Variants in CACNA2D2 observed in about 807,000 individuals in gnomAD.
CACNA2D2 encodes voltage-dependent calcium channel subunit alpha-2/delta-2.
A neutral mutation model predicts 166.4 loss-of-function variants in CACNA2D2; 48 were observed. The observed-to-expected ratio is 0.29, with a 90% confidence interval of 0.23 to 0.37. The LOEUF (loss-of-function observed/expected upper bound fraction) is 0.37, where lower values mean the gene tolerates loss of function less well. Ranked by LOEUF, CACNA2D2 falls within the 10% of genes least tolerant of loss-of-function variation. The pLI, the probability that CACNA2D2 is intolerant of heterozygous loss-of-function variation, is 1.00. For synonymous variants in CACNA2D2, 561 were observed against 573.7 expected, an observed-to-expected ratio of 0.98 and a Z score of 0.32; for missense variants, 1,122 against 1,433.0, an observed-to-expected ratio of 0.78 and a Z score of 3.50.
At chr3:50,450,559 A>C (rs1183600888) in intron 2 of CACNA2D2, among the ~76,000 whole-genome samples, 1 of 152,210 alleles carries the variant, frequency 6.6e-6, no homozygotes, top group African/African-American at 2.4e-5. Flanking sequence ...ACTTGGCATC[A>C]GAGAAGAGAA....
In CACNA2D2 at chr3:50,476,149, C is replaced by T. The variant is rs543807415; in HGVS notation, c.257G>A (p.Arg86Gln). Residue 86 changes from arginine (R) to glutamine (Q), a missense_variant, in exon 2 of 38, where the codon CGG becomes CAG. Physicochemically the swap from Arg to Gln is conservative, Grantham distance 43 (BLOSUM62 1). This residue lies in a region of CACNA2D2 where 840 missense variants were observed against 1,166.8 expected (regional missense o/e 0.72). Coordinates refer to ENST00000424201, the MANE Select transcript of CACNA2D2 (RefSeq NM_006030.4). ...RLEQEVDGVM[R>Q]IFGGVQQLRE... ...GAGCTGCTGGACGCCTCCAAAAATC[C>T]GCATCACGCCGTCGACCTCCTGCTC... 7.5e-6 allele frequency: 12 copies of T among 1,602,422 alleles called. No individual in the cohort carries two copies. Among genetic ancestry groups the T allele is most frequent in the Middle Eastern group, 1.7e-4 (1 of 6,052 alleles).
In CACNA2D2 at chr3:50,386,267, T is replaced by A. The variant is rs146356061; in HGVS notation, c.510+1301A>T. 1.1e-4 allele frequency among the ~76,000 whole-genome samples: 17 copies of A among 152,280 alleles called. No homozygotes were observed. In the East Asian group the frequency reaches 3.3e-3, roughly 30 times the overall value. ...TTGGGGCCCTGGATACAGTTGAGGC[T>A]GCTGGAGGTAGGTTCAGAGCATCCT... On this transcript the variant is annotated intron_variant, in intron 5 of 37. Transcript: ENST00000424201.
intron 2 of CACNA2D2, among the ~76,000 whole-genome samples, chr3:50,468,105 G>T (rs965053663): frequency 2.6e-5 from 4 of 152,230 alleles, no homozygotes; most frequent in Non-Finnish European, 5.9e-5. Context: ...TGCAGATTGG[G>T]TCAACTGTCC....
chr3:50,380,551 G>A lies in CACNA2D2; in HGVS notation c.842+197C>T, dbSNP rs1705246161. Among the ~76,000 whole-genome samples the A allele has an allele frequency of 6.6e-6, 1 of 152,192 alleles. No homozygotes were observed. The highest frequency in any genetic ancestry group is 1.5e-5 in the Non-Finnish European group (1 of 68,034). ...TGAGTGGGTGGGGGTGCTGGGCAGT[G>A]GACGGGGGGCATGGCAGCTGGGAGG... On this transcript the variant is annotated intron_variant, in intron 8 of 37. Transcript: ENST00000424201. The surrounding 1 kb of genome is among the most constrained non-coding windows in gnomAD (Gnocchi z 4.9).
chr3:50,471,038 G>A (rs571143897), intron 2 of CACNA2D2, among the ~76,000 whole-genome samples: 1 of 152,246 alleles, frequency 6.6e-6, no homozygotes, highest in African/African-American at 2.4e-5. Flanking sequence ...TCCCTATCCA[G>A]CGGCATATTT....
intron 4 of CACNA2D2, among the ~76,000 whole-genome samples, chr3:50,391,620 T>C (rs555020772): frequency 6.6e-6 from 1 of 152,308 alleles, no homozygotes; most frequent in East Asian, 1.9e-4. Context: ...TCTTGATCTC[T>C]TGTCCCAGCT....
chr3:50,435,539 G>C (rs939789811), intron 2 of CACNA2D2, among the ~76,000 whole-genome samples: 1 of 151,384 alleles, frequency 6.6e-6, no homozygotes, highest in Non-Finnish European at 1.5e-5. Context: ...GAGATAAGGA[G>C]GGGGGAGAGG....
Position 50,365,652 on chromosome 3 carries a change from G to A in CACNA2D2, c.2952C>T (p.Tyr984=). Residue 984 remains tyrosine, a synonymous_variant, in exon 34 of 38, where the codon TAC becomes TAT. Coordinates refer to ENST00000424201, the MANE Select transcript of CACNA2D2 (RefSeq NM_006030.4). The surrounding 1 kb of genome is among the most constrained non-coding windows in gnomAD (Gnocchi z 4.5). ...ACCTACCTGCTTGGAACCAGCTGTG[G>A]TAGATGAGGCCGTAGAGAAGCTGCT... The part of the protein sequence containing the change: ...LFQQLLYGLI[Y]HSWFQADPAE... The A allele has an allele frequency of 6.3e-7, 1 of 1,581,560 alleles. No individual in the cohort carries two copies. The highest frequency in any genetic ancestry group is 8.6e-7 in the Non-Finnish European group (1 of 1,163,910).
chr3:50,402,635 T>C (rs561429709), intron 3 of CACNA2D2, among the ~76,000 whole-genome samples: 11 of 152,314 alleles, frequency 7.2e-5, no homozygotes, highest in African/African-American at 2.4e-4. Flanking sequence ...CTTTCCAAGA[T>C]ATTGCCCTGC....
At position 50,503,456 on chromosome 3, in the gene CACNA2D2, G is replaced by C. The variant is rs894638603; in HGVS notation, c.-33C>G. The C allele has an allele frequency of 5.0e-6, 1 of 200,208 alleles. No individual in the cohort carries two copies. The highest frequency in any genetic ancestry group is 9.9e-6 in the Non-Finnish European group (1 of 101,006). 12.4% of individuals were successfully genotyped at this position (200,208 alleles called of 1,614,324 possible). A position where few individuals can be genotyped will look rare whatever the true frequency, so the allele number is the denominator to read the frequency against. On this transcript the variant is annotated 5_prime_UTR_variant, in exon 1 of 38. Transcript: ENST00000424201. Reference sequence around the variant, plus strand: ...TTCAAGATGCGGCGCCGCGGGGAGGGGGGGCAGTGGCGGCGGCGGCGGCGG... The same window carrying C: ...TTCAAGATGCGGCGCCGCGGGGAGGCGGGGCAGTGGCGGCGGCGGCGGCGG...
chr3:50,430,316 C>T lies in CACNA2D2; in HGVS notation c.405+3997G>A, dbSNP rs1708009828. On this transcript the variant is annotated intron_variant, in intron 3 of 37. Transcript: ENST00000424201. ...CACTGGGGTCACCCCTCACCTAATC[C>T]TGGGCAGTACCTTCCCTTCCCCCAT... 2.0e-5 allele frequency among the ~76,000 whole-genome samples: 3 copies of T among 152,338 alleles called. No individual in the cohort carries two copies. The South Asian group carries it at 6.2e-4, about 32-fold the overall frequency.
At chr3:50,368,087 C>T in intron 24 of CACNA2D2, 51 bp downstream of exon 24, 1 of 1,399,698 alleles carries the variant, frequency 7.1e-7, no homozygotes, top group Non-Finnish European at 1.0e-6. Flanking sequence ...CTGGGCTGGC[C>T]CCATGCTGCC....
chr3:50,372,945 C>G, intron 22 of CACNA2D2: 1 of 697,226 alleles, frequency 1.4e-6, no homozygotes, highest in Non-Finnish European at 2.4e-6. Flanking sequence ...CAAGGGGAAG[C>G]TGGGAGGGGG....
chr3:50,404,366 C>T (rs967398038), intron 3 of CACNA2D2, among the ~76,000 whole-genome samples: 1 of 152,176 alleles, frequency 6.6e-6, no homozygotes, highest in Non-Finnish European at 1.5e-5. Context: ...CCATTAGCCC[C>T]ACCCAGCTGC....
rs1431836525 is a variant in CACNA2D2, at chr3:50,490,576, T to C, written c.206+12642A>G. Among the ~76,000 whole-genome samples the C allele has an allele frequency of 3.3e-5, 5 of 151,964 alleles. No individual in the cohort carries two copies. The East Asian group carries it at 9.7e-4, about 29-fold the overall frequency. Reference sequence around the variant, plus strand: ...AAAGCCACAGGAAGATATGTGGGAGTGGCCTATGCCCTCTGGCTCCAGCAA... The same window carrying C: ...AAAGCCACAGGAAGATATGTGGGAGCGGCCTATGCCCTCTGGCTCCAGCAA... On this transcript the variant is annotated intron_variant, in intron 1 of 37. Coordinates refer to ENST00000424201, the MANE Select transcript of CACNA2D2 (RefSeq NM_006030.4).
chr3:50,384,413 G>T, intron 5 of CACNA2D2, 76 bp from the exon 6 acceptor site: 2 of 1,542,284 alleles, frequency 1.3e-6, no homozygotes, highest in South Asian at 1.2e-5. Context: ...GCAAGTAGGG[G>T]CAGGGAGGGC....
intron 4 of CACNA2D2, among the ~76,000 whole-genome samples, chr3:50,388,828 G>C (rs1705737859): frequency 6.6e-6 from 1 of 152,218 alleles, no homozygotes; most frequent in Non-Finnish European, 1.5e-5. Context: ...CAGGGGTCTA[G>C]GGGCTGCAGG....
intron 1 of CACNA2D2, among the ~76,000 whole-genome samples, chr3:50,479,616 C>T (rs899876906): frequency 3.3e-5 from 5 of 152,188 alleles, no homozygotes; most frequent in African/African-American, 7.2e-5. Context: ...GCCTTGTGGA[C>T]GAGAAGCCAC....
chr3:50,501,271 C>A (rs1222085338), intron 1 of CACNA2D2, among the ~76,000 whole-genome samples: 3 of 152,336 alleles, frequency 2.0e-5, no homozygotes, highest in East Asian at 1.9e-4. Flanking sequence ...CAATGTGCAT[C>A]CTCGTCTGCG....
Sources: gnomAD v4.1 joint callset for allele counts (sites outside exome capture counted in the v4.1 genomes callset) on GRCh38, gnomAD v4.1.1 for gene constraint, gnomAD v4.1.1 regional missense constraint, Gnocchi (gnomAD v3.1) non-coding constraint, MANE v1.5 for transcripts, NCBI Gene and HGNC (gene_info 2026-07-23, HGNC 2026-07-21) for gene names.